Variants in DMD observed in about 807,000 individuals in gnomAD.
DMD encodes dystrophin.
DMD carries 63 observed loss-of-function variants against 330.1 expected under a neutral mutation model. The ratio of observed to expected loss-of-function variants is 0.19; its 90% CI spans 0.16 to 0.24. The LOEUF (loss-of-function observed/expected upper bound fraction) is 0.24. Among genes scored for constraint, DMD ranks in the 10% least tolerant of loss-of-function variants. The pLI, the probability that DMD is intolerant of heterozygous loss-of-function variation, is 1.00. For synonymous variants in DMD, 1,223 were observed against 959.8 expected, an observed-to-expected ratio of 1.27 and a Z score of -5.07; for missense variants, 3,344 against 2,684.1, an observed-to-expected ratio of 1.25 and a Z score of -5.43.
intron 1 of DMD, among the ~76,000 whole-genome samples, chrX:33,247,125 A>G (rs148390954): frequency 0.017 from 1,920 of 111,886 alleles, 38 homozygotes; most frequent in African/African-American, 0.059. Context: ...TTCTTCCTTG[A>G]GTCCAGTTAA....
intron 44 of DMD, among the ~76,000 whole-genome samples, chrX:32,052,097 A>G (rs2096120557): frequency 8.9e-6 from 1 of 112,239 alleles, no homozygotes. Flanking sequence ...GAAAAATAGG[A>G]TGGAGTAACA....
rs200216163 is a variant in DMD at position 32,158,114 on chromosome X, C to CTGTT, written c.6438+58798_6438+58801dup. ...GCCTCTTGGCTCAACTACCTGTAAGCTGTTTGACCTTGTACAAGTCATTTA... is the reference window on the plus strand; with the variant it reads ...GCCTCTTGGCTCAACTACCTGTAAGCTGTTTGTTTGACCTTGTACAAGTCATTTA... On this transcript the variant is annotated intron_variant, in intron 44 of 78. Coordinates refer to ENST00000357033, the MANE Select transcript of DMD (RefSeq NM_004006.3). Among the ~76,000 whole-genome samples the CTGTT allele has an allele frequency of 6.2e-3, 700 of 112,030 alleles. 6 individuals carry two copies. Among genetic ancestry groups the CTGTT allele is most frequent in the African/African-American group, 0.022 (679 of 30,784 alleles).
chrX:32,558,945 T>TTTTTTTTTTTTTTC (rs1569199639), intron 16 of DMD, among the ~76,000 whole-genome samples: 7 of 40,125 alleles, frequency 1.7e-4, no homozygotes, highest in African/African-American at 5.3e-4. Flanking sequence ...TTTCTTTTTT[T>TTTTTTTTTTTTTTC]TTTTTTTTTT....
chrX:32,909,743 T>C (rs2087054163), intron 2 of DMD, among the ~76,000 whole-genome samples: 1 of 111,953 alleles, frequency 8.9e-6, no homozygotes, highest in Admixed American at 9.5e-5. Flanking sequence ...TATTTGAAAC[T>C]CAAAAACTAA....
At chrX:32,301,360 G>A (rs2097523262) in intron 42 of DMD, among the ~76,000 whole-genome samples, 1 of 110,198 alleles carries the variant, frequency 9.1e-6, no homozygotes, top group African/African-American at 3.3e-5. Context: ...ATTTTTGCCT[G>A]TGGTTTGGCA....
At chrX:31,833,767 G>A (rs1017571972) in intron 49 of DMD, among the ~76,000 whole-genome samples, 3 of 110,957 alleles carry the variant, frequency 2.7e-5, no homozygotes, top group African/African-American at 9.8e-5. Flanking sequence ...GAATGCGGAG[G>A]TGCCAATAGA....
At chrX:32,061,310 T>G (rs2096223146) in intron 44 of DMD, among the ~76,000 whole-genome samples, 1 of 110,928 alleles carries the variant, frequency 9.0e-6, no homozygotes, top group Non-Finnish European at 1.9e-5. Context: ...CTTCCAAATT[T>G]TAATGGCTCC....
At chrX:33,325,537 T>C in intron 1 of DMD, among the ~76,000 whole-genome samples, 1 of 112,444 alleles carries the variant, frequency 8.9e-6, no homozygotes, top group Non-Finnish European at 1.9e-5. Context: ...TGGCAGACTT[T>C]GCAGAGTACT....
chrX:31,366,688 C>T (rs1383981220), intron 60 of DMD, among the ~76,000 whole-genome samples: 8 of 108,179 alleles, frequency 7.4e-5, no homozygotes, highest in African/African-American at 2.3e-4. Context: ...AAGTTCACTA[C>T]ACACTCATTC....
intron 52 of DMD, among the ~76,000 whole-genome samples, chrX:31,704,038 T>A (rs2084001720): frequency 1.8e-5 from 2 of 112,139 alleles, no homozygotes; most frequent in Non-Finnish European, 3.8e-5. Context: ...ATGAATGTTA[T>A]AGTAAATGAT....
chrX:32,436,219 C>T (rs2098260637), intron 29 of DMD, among the ~76,000 whole-genome samples: 1 of 111,503 alleles, frequency 9.0e-6, no homozygotes, highest in Non-Finnish European at 1.9e-5. Flanking sequence ...TGTACTATTC[C>T]TCAGGCTTAA....
chrX:32,837,611 A>G (rs988466776), intron 4 of DMD, among the ~76,000 whole-genome samples: 1 of 111,862 alleles, frequency 8.9e-6, no homozygotes, highest in African/African-American at 3.2e-5. Flanking sequence ...TTCTATAAAT[A>G]TTCCCCTGAT....
rs1056198710 is a variant in DMD at position 32,481,682 on chromosome X, C to A, written c.2803+3237G>T. Among the ~76,000 whole-genome samples, 17 of 111,640 alleles carry A rather than the reference C, an allele frequency of 1.5e-4. 1 individual carries two copies. The highest frequency in any genetic ancestry group is 2.8e-4 in the Non-Finnish European group (15 of 52,980). ...CTCCAACTTATCATATAGCTGGCAC[C>A]TGCACATTCTCCAGGTTTGGTTCTA... is the stretch of plus-strand genomic sequence containing the variant. On this transcript the variant is annotated intron_variant, in intron 21 of 78. Coordinates refer to ENST00000357033, the MANE Select transcript of DMD (RefSeq NM_004006.3).
At chrX:31,201,327 C>T (rs889051300) in intron 67 of DMD, among the ~76,000 whole-genome samples, 3 of 112,387 alleles carry the variant, frequency 2.7e-5, no homozygotes, top group Admixed American at 9.4e-5. Flanking sequence ...GAGCTGTGAT[C>T]GTGCCACTGC....
At chrX:32,486,389 T>G (rs1259709325) in intron 20 of DMD, among the ~76,000 whole-genome samples, 2 of 112,256 alleles carry the variant, frequency 1.8e-5, no homozygotes, top group African/African-American at 6.5e-5. Context: ...TTCTTTTTCC[T>G]TTCCTAATAT....
intron 61 of DMD, among the ~76,000 whole-genome samples, chrX:31,326,270 T>C (rs983214949): frequency 9.0e-6 from 1 of 111,281 alleles, no homozygotes; most frequent in Non-Finnish European, 1.9e-5. Flanking sequence ...CAATTAAATG[T>C]CAGAGAAGTT....
intron 19 of DMD, among the ~76,000 whole-genome samples, chrX:32,494,397 G>A (rs1369167659): frequency 5.4e-5 from 6 of 111,100 alleles, no homozygotes; most frequent in African/African-American, 2.0e-4. Flanking sequence ...TAGCAAAAAG[G>A]GGGAGGCAGG....
intron 7 of DMD, among the ~76,000 whole-genome samples, chrX:32,730,952 G>C (rs1401408816): frequency 2.7e-5 from 3 of 111,908 alleles, no homozygotes; most frequent in Non-Finnish European, 5.6e-5. Context: ...AGCTCCCAGA[G>C]TGAGCGACGC....
Position 32,554,847 on chromosome X carries a change from AG to A in DMD, c.1993-9514del, listed in dbSNP as rs1176198600. On this transcript the variant is annotated intron_variant, in intron 16 of 78. Coordinates refer to ENST00000357033, the MANE Select transcript of DMD (RefSeq NM_004006.3). Reference sequence around the variant, plus strand: ...GAGGGGGAGGGAGAGAGAGAGAGAGAGAGAGAGAGAGAGAGAGAGAGAGAAG... The same window carrying A: ...GAGGGGGAGGGAGAGAGAGAGAGAGAAGAGAGAGAGAGAGAGAGAGAGAAG... Among the ~76,000 whole-genome samples, 255 of 63,629 alleles carry A rather than the reference AG, an allele frequency of 4.0e-3. 28 individuals carry two copies. Among genetic ancestry groups the A allele is most frequent in the Admixed American group, 0.032 (192 of 5,929 alleles). 55.3% of individuals were successfully genotyped at this position (63,629 alleles called of 115,157 possible). A position where few individuals can be genotyped will look rare whatever the true frequency, so the allele number is the denominator to read the frequency against.
Sources: gnomAD v4.1 joint callset for allele counts (sites outside exome capture counted in the v4.1 genomes callset) on GRCh38, gnomAD v4.1.1 for gene constraint, MANE v1.5 for transcripts, NCBI Gene and HGNC (gene_info 2026-07-23, HGNC 2026-07-21) for gene names.